Variants in EFCAB11 observed in about 807,000 individuals in gnomAD.
EFCAB11 encodes EF-hand calcium binding domain 11.
Under a neutral mutation model 23.0 loss-of-function variants are expected in EFCAB11, and 14 were observed. The ratio of observed to expected loss-of-function variants is 0.61; its 90% CI spans 0.40 to 0.95. The LOEUF is 0.95. EFCAB11 is among the 40% of genes least tolerant of loss of function. EFCAB11 has a pLI of 0.00. For synonymous variants in EFCAB11, 65 were observed against 66.6 expected (o/e 0.98, Z 0.11); for missense variants, 198 against 195.8 (o/e 1.01, Z -0.07).
Position 89,885,551 on chromosome 14 carries a change from G to A in EFCAB11, c.410+45990C>T, listed in dbSNP as rs1295872557. 1.4e-4 allele frequency among the ~76,000 whole-genome samples: 21 copies of A among 152,044 alleles called. No individual in the cohort carries two copies. The East Asian group carries it at 1.7e-3, about 13-fold the overall frequency. ...AAATTAGCCAGGCGTGGTAGCGTGC[G>A]CCTGTAGTCCCAGCTACTTGGAGGC... is the stretch of plus-strand genomic sequence containing the variant. On this transcript the variant is annotated intron_variant, in intron 5 of 5. Coordinates refer to ENST00000316738, the MANE Select transcript of EFCAB11 (RefSeq NM_145231.4).
chr14:89,802,981 T>C (rs1192954035), intron 5 of EFCAB11, among the ~76,000 whole-genome samples: 2 of 152,156 alleles, frequency 1.3e-5, no homozygotes, highest in Non-Finnish European at 2.9e-5. Flanking sequence ...TGCTCTGATA[T>C]AGCAGAGAGG....
intron 5 of EFCAB11, among the ~76,000 whole-genome samples, chr14:89,922,209 CTA>C (rs1890040810): frequency 6.6e-6 from 1 of 152,180 alleles, no homozygotes; most frequent in African/African-American, 2.4e-5. Flanking sequence ...ACAACACTTG[CTA>C]TAGTGACATC....
At chr14:89,946,812 A>C (rs1891002957) in intron 3 of EFCAB11, among the ~76,000 whole-genome samples, 1 of 151,480 alleles carries the variant, frequency 6.6e-6, no homozygotes, top group Admixed American at 6.6e-5. Context: ...TCCTGGCATC[A>C]AGCAATCCTC....
chr14:89,803,982 T>C (rs1367595298), intron 5 of EFCAB11, among the ~76,000 whole-genome samples: 3 of 152,206 alleles, frequency 2.0e-5, no homozygotes, highest in Non-Finnish European at 4.4e-5. Context: ...TTTCTGGTCT[T>C]TTCTAGGCTC....
At chr14:89,845,791 G>A (rs1887413300) in intron 5 of EFCAB11, among the ~76,000 whole-genome samples, 1 of 152,160 alleles carries the variant, frequency 6.6e-6, no homozygotes, top group South Asian at 2.1e-4. Context: ...TGGTCAACAG[G>A]GAGACGGATG....
At chr14:89,810,551 T>A (rs1886117381) in intron 5 of EFCAB11, among the ~76,000 whole-genome samples, 1 of 151,354 alleles carries the variant, frequency 6.6e-6, no homozygotes, top group African/African-American at 2.4e-5. Flanking sequence ...AGGTCAGGAG[T>A]TTGAGACCAG....
chr14:89,828,723 A>G (rs1886788546), intron 5 of EFCAB11, among the ~76,000 whole-genome samples: 1 of 152,230 alleles, frequency 6.6e-6, no homozygotes, highest in Non-Finnish European at 1.5e-5. Context: ...TATGAAGCAG[A>G]TGTTCAATAT....
At chr14:89,801,934 C>CA (rs1299813104) in intron 5 of EFCAB11, among the ~76,000 whole-genome samples, 102 of 150,902 alleles carry the variant, frequency 6.8e-4, no homozygotes, top group African/African-American at 2.2e-3. Flanking sequence ...CTGGAGGTTG[C>CA]AGTGAGCTGA....
intron 1 of EFCAB11, chr14:89,954,265 A>G: frequency 7.3e-7 from 1 of 1,372,818 alleles, no homozygotes; most frequent in Non-Finnish European, 1.0e-6. Context: ...CCACTGAGAT[A>G]AATTCTACCC....
intron 2 of EFCAB11, among the ~76,000 whole-genome samples, chr14:89,950,993 G>A (rs921093564): frequency 7.9e-5 from 12 of 151,902 alleles, no homozygotes; most frequent in South Asian, 2.1e-4. Flanking sequence ...ATCCAGCCTC[G>A]TGTTTTGAGC....
chr14:89,797,730 T>C (rs1364281268), intron 5 of EFCAB11, among the ~76,000 whole-genome samples: 1 of 152,080 alleles, frequency 6.6e-6, no homozygotes, highest in African/African-American at 2.4e-5. Context: ...TCAGGAGTTC[T>C]AGACCAGCCA....
intron 5 of EFCAB11, chr14:89,924,032 A>T (rs1264079125): frequency 3.0e-6 from 3 of 985,434 alleles, no homozygotes; most frequent in Middle Eastern, 1.0e-3. Context: ...CCTTACCCCT[A>T]TAATGGCTGT....
At chr14:89,921,234 CAAG>C (rs1462650140) in intron 5 of EFCAB11, among the ~76,000 whole-genome samples, 7 of 151,966 alleles carry the variant, frequency 4.6e-5, no homozygotes, top group African/African-American at 1.5e-4. Flanking sequence ...CAGTATATGG[CAAG>C]AAGACCAGAA....
chr14:89,834,094 C>T, intron 5 of EFCAB11, among the ~76,000 whole-genome samples: 1 of 151,786 alleles, frequency 6.6e-6, no homozygotes, highest in East Asian at 1.9e-4. Flanking sequence ...GTGGCTCACA[C>T]CTGTAATCCC....
intron 5 of EFCAB11, among the ~76,000 whole-genome samples, chr14:89,919,394 C>A (rs1162517350): frequency 2.0e-5 from 3 of 152,014 alleles, no homozygotes; most frequent in African/African-American, 7.2e-5. Context: ...AGGGCGGGGG[C>A]CTTGGACAGA....
At chr14:89,843,303 A>T (rs1006431041) in intron 5 of EFCAB11, among the ~76,000 whole-genome samples, 18 of 152,212 alleles carry the variant, frequency 1.2e-4, no homozygotes, top group African/African-American at 4.1e-4. Flanking sequence ...AATTCATTTT[A>T]AAATAAGTTA....
rs536920896 is a variant in EFCAB11, at chr14:89,925,405, T to G, written c.410+6136A>C. 2.6e-5 allele frequency among the ~76,000 whole-genome samples: 4 copies of G among 152,306 alleles called. No homozygotes were observed. In the South Asian group the frequency reaches 8.3e-4, roughly 32 times the overall value. On this transcript the variant is annotated intron_variant, in intron 5 of 5. Coordinates refer to ENST00000316738, the MANE Select transcript of EFCAB11 (RefSeq NM_145231.4). ...CTACAAAATTTTCAGTCAGTTTTAT[T>G]AGTGTTAAAGAGGAAAGATGTTTCT... is the stretch of plus-strand genomic sequence containing the variant.
At chr14:89,924,099 A>G in intron 5 of EFCAB11, 2 of 985,612 alleles carry the variant, frequency 2.0e-6, no homozygotes, top group Non-Finnish European at 2.4e-6. Context: ...CCCTTTTACA[A>G]TTGCATTCCT....
intron 5 of EFCAB11, among the ~76,000 whole-genome samples, chr14:89,916,724 G>C (rs1169347905): frequency 2.0e-5 from 3 of 152,202 alleles, no homozygotes; most frequent in Non-Finnish European, 4.4e-5. Flanking sequence ...GAGAACAAGA[G>C]TGAGACCCTC....
Sources: gnomAD v4.1 joint callset for allele counts (sites outside exome capture counted in the v4.1 genomes callset) on GRCh38, gnomAD v4.1.1 for gene constraint, MANE v1.5 for transcripts, NCBI Gene and HGNC (gene_info 2026-07-23, HGNC 2026-07-21) for gene names.